The following NREP variants were observed in gnomAD, a reference collection of about 807,000 sequenced individuals.
The protein encoded by NREP is neuronal regeneration related protein.
In NREP, 5 loss-of-function variants were observed where a neutral mutation model predicts 8.6. That is an observed-to-expected ratio of 0.58 (90% CI 0.30 to 1.22). The LOEUF is 1.22. Ranked by LOEUF, NREP falls within the 50% of genes most tolerant of loss-of-function variation. NREP has a pLI of 0.07. For missense variants in NREP, 86 were observed against 82.5 expected (o/e 1.04, Z -0.17); for synonymous variants, 27 against 28.0 (o/e 0.96, Z 0.11).
intron 2 of NREP, among the ~76,000 whole-genome samples, chr5:111,753,307 TCCTAGAGCTGCA>T (rs1269292157): frequency 1.4e-5 from 2 of 147,366 alleles, no homozygotes; most frequent in Non-Finnish European, 3.0e-5. Flanking sequence ...AATTGGTGCC[TCCTAGAGCTGCA>T]CAAGTTGATT....
chr5:111,975,167 G>A, intron 2 of NREP: 1 of 742,714 alleles, frequency 1.3e-6, no homozygotes, highest in Non-Finnish European at 2.3e-6. Flanking sequence ...CGGGGCAATG[G>A]TGGGAATGAC....
At chr5:111,961,449 T>C (rs936468970) in intron 2 of NREP, among the ~76,000 whole-genome samples, 3 of 152,198 alleles carry the variant, frequency 2.0e-5, no homozygotes. Flanking sequence ...TAAAATAAAA[T>C]AACATTTGAT....
intron 2 of NREP, among the ~76,000 whole-genome samples, chr5:111,822,075 G>C (rs2112925276): frequency 6.6e-6 from 1 of 152,236 alleles, no homozygotes; most frequent in South Asian, 2.1e-4. Context: ...GAATCAGCAA[G>C]AGCTGAAGAA....
At chr5:111,881,654 A>G (rs971297923) in intron 2 of NREP, among the ~76,000 whole-genome samples, 1 of 152,202 alleles carries the variant, frequency 6.6e-6, no homozygotes, top group South Asian at 2.1e-4. Flanking sequence ...ACGATCAGAC[A>G]GCAGCATTTG....
At chr5:111,953,123 ATGT>A (rs1407821470) in intron 2 of NREP, among the ~76,000 whole-genome samples, 28 of 152,086 alleles carry the variant, frequency 1.8e-4, no homozygotes, top group African/African-American at 6.5e-4. Context: ...ACTTTCTCTC[ATGT>A]TGTTATTGTC....
intron 2 of NREP, among the ~76,000 whole-genome samples, chr5:111,807,248 GC>G (rs894378254): frequency 1.3e-5 from 2 of 152,004 alleles, no homozygotes; most frequent in African/African-American, 4.8e-5. Context: ...TTTATTTCAA[GC>G]CCAATTTTAG....
intron 2 of NREP, among the ~76,000 whole-genome samples, chr5:111,883,652 A>C (rs1754148910): frequency 6.6e-6 from 1 of 152,198 alleles, no homozygotes; most frequent in South Asian, 2.1e-4. Flanking sequence ...TCAAACTAGA[A>C]CTCAGGATTA....
intron 2 of NREP, among the ~76,000 whole-genome samples, chr5:111,896,426 G>A (rs1474428010): frequency 1.3e-5 from 2 of 152,166 alleles, no homozygotes; most frequent in African/African-American, 2.4e-5. Flanking sequence ...ACAACTAAAT[G>A]AAGTTGTCTA....
chr5:111,864,984 CT>C (rs930197566), intron 2 of NREP, among the ~76,000 whole-genome samples: 3 of 152,040 alleles, frequency 2.0e-5, no homozygotes, highest in Admixed American at 6.6e-5. Context: ...ATAAAGTAAA[CT>C]TTTTTTGTGT....
chr5:111,813,899 G>C (rs1752324272), intron 2 of NREP, among the ~76,000 whole-genome samples: 1 of 152,024 alleles, frequency 6.6e-6, no homozygotes, highest in Non-Finnish European at 1.5e-5. Context: ...AGATTCCAAA[G>C]ATGTGGAACC....
intron 2 of NREP, among the ~76,000 whole-genome samples, chr5:111,745,029 C>T (rs545452788): frequency 3.3e-5 from 5 of 152,108 alleles, no homozygotes; most frequent in African/African-American, 4.8e-5. Flanking sequence ...TATGTAAATT[C>T]GGGAACCCAC....
At chr5:111,780,502 C>T (rs1269833215) in intron 2 of NREP, among the ~76,000 whole-genome samples, 27 of 151,994 alleles carry the variant, frequency 1.8e-4, no homozygotes, top group Admixed American at 1.8e-3. Context: ...AATGTAAATC[C>T]CACTCATTGC....
chr5:111,954,954 G>A (rs966296776), intron 2 of NREP, among the ~76,000 whole-genome samples: 1 of 152,162 alleles, frequency 6.6e-6, no homozygotes, highest in African/African-American at 2.4e-5. Flanking sequence ...AAAAGAGCAG[G>A]ATGGGAGTTT....
intron 2 of NREP, among the ~76,000 whole-genome samples, chr5:111,842,678 C>T (rs1307888555): frequency 1.3e-5 from 2 of 151,916 alleles, no homozygotes; most frequent in African/African-American, 4.8e-5. Flanking sequence ...TATATATTTC[C>T]ATACAGTTCA....
At chr5:111,878,567 G>A (rs1466652948) in intron 2 of NREP, among the ~76,000 whole-genome samples, 1 of 152,112 alleles carries the variant, frequency 6.6e-6, no homozygotes, top group Non-Finnish European at 1.5e-5. Context: ...ATTTGGGTGG[G>A]GAACAAAGCC....
chr5:111,917,085 C>T (rs1755081556), intron 2 of NREP, among the ~76,000 whole-genome samples: 1 of 152,060 alleles, frequency 6.6e-6, no homozygotes, highest in Non-Finnish European at 1.5e-5. Context: ...TGTCCCTTTT[C>T]CCATGATTCT....
chr5:111,851,577 C>CT (rs1037265145), intron 2 of NREP, among the ~76,000 whole-genome samples: 7 of 152,072 alleles, frequency 4.6e-5, no homozygotes, highest in Non-Finnish European at 7.4e-5. Flanking sequence ...GCTTTTGTGA[C>CT]TATTACTGCA....
intron 2 of NREP, among the ~76,000 whole-genome samples, chr5:111,893,059 T>C (rs1261320838): frequency 6.6e-6 from 1 of 152,204 alleles, no homozygotes; most frequent in African/African-American, 2.4e-5. Context: ...ACACAGGAAG[T>C]CCAGCTCAGG....
chr5:111,872,201 A>C (rs1753807328), intron 2 of NREP, among the ~76,000 whole-genome samples: 1 of 152,132 alleles, frequency 6.6e-6, no homozygotes, highest in African/African-American at 2.4e-5. Context: ...GTGTCGTTCC[A>C]GTCCAGAGGC....
Sources: gnomAD v4.1 joint callset for allele counts (sites outside exome capture counted in the v4.1 genomes callset) on GRCh38, gnomAD v4.1.1 for gene constraint, MANE v1.5 for transcripts, NCBI Gene and HGNC (gene_info 2026-07-23, HGNC 2026-07-21) for gene names.